Variants in CTRB1 observed in about 807,000 individuals in gnomAD.
CTRB1 encodes chymotrypsinogen B1, also known as chymotrypsinogen B.
In CTRB1, 15 loss-of-function variants were observed where a neutral mutation model predicts 20.4. The ratio of observed to expected loss-of-function variants is 0.74; its 90% CI spans 0.49 to 1.13. CTRB1 has a LOEUF of 1.13. Among genes scored for constraint, CTRB1 ranks in the 50% most tolerant of loss-of-function variants. CTRB1 has a pLI of 0.00. For missense variants in CTRB1, 227 were observed against 290.1 expected (o/e 0.78, Z 1.58); for synonymous variants, 92 against 128.4 (o/e 0.72, Z 1.92).
chr16:75,224,463 A>G lies in CTRB1; in HGVS notation c.631-242A>G, dbSNP rs888703849. Among the ~76,000 whole-genome samples the G allele has an allele frequency of 3.9e-5, 6 of 152,182 alleles. No individual in the cohort carries two copies. The East Asian group carries it at 7.7e-4, about 20-fold the overall frequency. On this transcript the variant is annotated intron_variant, in intron 6 of 6. Coordinates refer to ENST00000361017, the MANE Select transcript of CTRB1 (RefSeq NM_001906.6). ...CCAGCCCCACCATGCTCTTCCTCCT[A>G]TTGGTCAAACCAGCTTTACTGAGCT...
intron 1 of CTRB1, among the ~76,000 whole-genome samples, chr16:75,220,668 C>T (rs576851989): frequency 6.6e-6 from 1 of 152,228 alleles, no homozygotes; most frequent in Non-Finnish European, 1.5e-5. Flanking sequence ...TTCTCACTTC[C>T]TGCATGTTGA....
At chr16:75,224,302 G>A (rs2076716626) in intron 6 of CTRB1, 114 bp downstream of exon 6, 5 of 1,536,746 alleles carry the variant, frequency 3.3e-6, no homozygotes, top group African/African-American at 1.4e-5. Context: ...GGGTGTCAGA[G>A]TCGCCTTGTT....
chr16:75,222,732 G>A (rs771548115), intron 1 of CTRB1, 36 bp from the exon 2 acceptor site: 1 of 1,539,970 alleles, frequency 6.5e-7, no homozygotes, highest in Non-Finnish European at 8.8e-7. Flanking sequence ...AGGTGGGTTT[G>A]GGGCCTCAGC....
In CTRB1 at chr16:75,224,679, C is replaced by T. The variant is rs775987626; in HGVS notation, c.631-26C>T. ...ACCAGTCTGTCTCGGCTGCCAGATC[C>T]AAGCCCCCTTCTCCCTCTCCCACAG... On this transcript the variant is annotated intron_variant, in intron 6 of 6. Coordinates refer to ENST00000361017, the MANE Select transcript of CTRB1 (RefSeq NM_001906.6). The T allele has an allele frequency of 2.5e-6, 4 of 1,591,884 alleles. No individual in the cohort carries two copies. In the Admixed American group the frequency reaches 5.4e-5, roughly 22 times the overall value.
At chr16:75,222,643 C>A in intron 1 of CTRB1, 125 bp from the exon 2 acceptor site, 1 of 1,037,202 alleles carries the variant, frequency 9.6e-7, no homozygotes, top group Non-Finnish European at 1.4e-6. Flanking sequence ...GCGGAGGCGG[C>A]ATGTGCCAGG....
chr16:75,222,598 G>A, intron 1 of CTRB1, 170 bp from the exon 2 acceptor site: 3 of 683,144 alleles, frequency 4.4e-6, no homozygotes, highest in Non-Finnish European at 4.8e-6. Context: ...CGAGAGTTGG[G>A]AACGTTTGAG....
Position 75,224,749 on chromosome 16 carries a change from G to C in CTRB1, c.675G>C (p.Trp225Cys). 6.2e-7 allele frequency: 1 copy of C among 1,613,734 alleles called. No homozygotes were observed. Among genetic ancestry groups the C allele is most frequent in the Non-Finnish European group, 8.5e-7 (1 of 1,179,980 alleles). Reference protein sequence around the residue: ...GPLVCQKDGAWTLVGIVSWGS... With the variant: ...GPLVCQKDGACTLVGIVSWGS... ...TGGTCTGCCAAAAGGATGGAGCCTG[G>C]ACCCTGGTGGGCATTGTGTCCTGGG... The change falls in exon 7 of 7, where the codon TGG becomes TGC. Residue 225 changes from tryptophan to cysteine, a missense_variant. This residue lies in a region of CTRB1 where 108 missense variants were observed against 76.9 expected (regional missense o/e 1.41). Transcript: ENST00000361017.
rs1483206556 is a variant in CTRB1 at position 75,219,061 on chromosome 16, T to C, written c.52+2T>C. 11 of 1,586,690 alleles carry C rather than the reference T, an allele frequency of 6.9e-6. No individual in the cohort carries two copies. The highest frequency in any genetic ancestry group is 5.7e-5 in the South Asian group (5 of 87,070). Reference sequence around the variant, plus strand: ...TCTCCCTTGTGGGGGCCGCCTTTGGTGAGTGCTGGTGCCCGAGGGGTCTGT... The same window carrying C: ...TCTCCCTTGTGGGGGCCGCCTTTGGCGAGTGCTGGTGCCCGAGGGGTCTGT... On this transcript the variant is annotated splice_donor_variant, in intron 1 of 6. Transcript: ENST00000361017. LOFTEE classifies it high-confidence loss of function.
intron 1 of CTRB1, among the ~76,000 whole-genome samples, chr16:75,222,067 A>AG (rs986606100): frequency 2.5e-4 from 4 of 16,116 alleles, no homozygotes; most frequent in African/African-American, 4.9e-4. Flanking sequence ...TCAAAAAGAA[A>AG]AAAAAAAAAA....
chr16:75,224,291 T>C, intron 6 of CTRB1, 103 bp downstream of exon 6: 1 of 1,544,746 alleles, frequency 6.5e-7, no homozygotes, highest in East Asian at 2.4e-5. Flanking sequence ...CACTCCTTCC[T>C]GGGTGTCAGA....
chr16:75,219,842 CCT>C (rs2039055208), intron 1 of CTRB1, among the ~76,000 whole-genome samples: 1 of 152,208 alleles, frequency 6.6e-6, no homozygotes, highest in Non-Finnish European at 1.5e-5. Flanking sequence ...TCCCTCCTTC[CCT>C]CTCTGGAATG....
intron 1 of CTRB1, among the ~76,000 whole-genome samples, chr16:75,222,218 C>G (rs1335192162): frequency 6.6e-6 from 1 of 151,516 alleles, no homozygotes; most frequent in Non-Finnish European, 1.5e-5. Flanking sequence ...TTGTGGAATT[C>G]AACCTGCCCA....
intron 1 of CTRB1, among the ~76,000 whole-genome samples, chr16:75,219,945 A>C (rs1045377078): frequency 3.9e-5 from 6 of 152,184 alleles, no homozygotes; most frequent in African/African-American, 1.4e-4. Flanking sequence ...ATAAGGTTTC[A>C]AAAAGGTTAC....
intron 1 of CTRB1, 77 bp downstream of exon 1, chr16:75,219,136 C>G (rs1165223783): frequency 6.8e-7 from 1 of 1,465,688 alleles, no homozygotes. Context: ...GTCCCCTGCT[C>G]TGCCCCCTGG....
intron 1 of CTRB1, among the ~76,000 whole-genome samples, chr16:75,220,995 ATCCACCTGCCTCGGCCT>A (rs2039075361): frequency 6.6e-6 from 1 of 152,038 alleles, no homozygotes; most frequent in Non-Finnish European, 1.5e-5. Context: ...TGACCTTGTG[ATCCACCTGCCTCGGCCT>A]TCCAACGTGC....
intron 1 of CTRB1, 180 bp from the exon 2 acceptor site, chr16:75,222,588 C>A (rs188722043): frequency 3.1e-6 from 2 of 648,914 alleles, no homozygotes; most frequent in Admixed American, 3.0e-5. Flanking sequence ...GCCAGCAGGC[C>A]GAGAGTTGGG....
intron 1 of CTRB1, among the ~76,000 whole-genome samples, chr16:75,220,950 G>T (rs1316981394): frequency 6.6e-6 from 1 of 152,126 alleles, no homozygotes; most frequent in Non-Finnish European, 1.5e-5. Flanking sequence ...TAGAGACAGG[G>T]TTTCATCATA....
chr16:75,220,196 T>C (rs575221444), intron 1 of CTRB1, among the ~76,000 whole-genome samples: 17 of 151,204 alleles, frequency 1.1e-4, no homozygotes, highest in Non-Finnish European at 2.2e-4. Context: ...TTTTTTCTTT[T>C]CTTTGAGACA....
At chr16:75,221,000 C>T (rs1028676479) in intron 1 of CTRB1, among the ~76,000 whole-genome samples, 8 of 152,196 alleles carry the variant, frequency 5.3e-5, no homozygotes, top group Non-Finnish European at 1.2e-4. Flanking sequence ...TTGTGATCCA[C>T]CTGCCTCGGC....
Sources: gnomAD v4.1 joint callset for allele counts (sites outside exome capture counted in the v4.1 genomes callset) on GRCh38, gnomAD v4.1.1 for gene constraint, gnomAD v4.1.1 regional missense constraint, MANE v1.5 for transcripts, NCBI Gene and HGNC (gene_info 2026-07-23, HGNC 2026-07-21) for gene names.